The following CHIC2 variants were observed in gnomAD, a reference collection of about 807,000 sequenced individuals.
CHIC2 encodes the protein cysteine rich hydrophobic domain 2, also known as cysteine-rich hydrophobic domain-containing protein 2.
In CHIC2, 14 loss-of-function variants were observed where a neutral mutation model predicts 25.9. The observed-to-expected ratio is 0.54, with a 90% CI of 0.36 to 0.85. CHIC2 has a LOEUF of 0.85. Among genes scored for constraint, CHIC2 ranks in the 40% least tolerant of loss-of-function variants. The pLI is 0.01. For synonymous variants in CHIC2, 70 were observed against 72.0 expected, an observed-to-expected ratio of 0.97 and a Z score of 0.14; for missense variants, 146 against 202.0, an observed-to-expected ratio of 0.72 and a Z score of 1.68.
chr4:54,012,731 T>C (rs1240493490), intron 5 of CHIC2, among the ~76,000 whole-genome samples: 2 of 152,110 alleles, frequency 1.3e-5, no homozygotes, highest in African/African-American at 4.8e-5. Flanking sequence ...TCAAGTGTCT[T>C]TCTCATCATC....
chr4:54,057,658 T>C (rs1406612219), intron 1 of CHIC2, among the ~76,000 whole-genome samples: 1 of 152,166 alleles, frequency 6.6e-6, no homozygotes, highest in Non-Finnish European at 1.5e-5. Flanking sequence ...TGGGTTTCAT[T>C]ATATACCCAG....
intron 3 of CHIC2, among the ~76,000 whole-genome samples, chr4:54,027,638 TGAA>T (rs1446826095): frequency 2.6e-5 from 4 of 152,154 alleles, no homozygotes; most frequent in African/African-American, 9.7e-5. Context: ...GGGAAGATAG[TGAA>T]GAAGGGGCAA....
intron 3 of CHIC2, among the ~76,000 whole-genome samples, chr4:54,029,318 A>AT (rs760762202): frequency 9.2e-5 from 14 of 152,232 alleles, no homozygotes; most frequent in Non-Finnish European, 1.8e-4. Context: ...CAGTATAAAC[A>AT]TCCTCTGCAC....
chr4:54,041,189 T>A (rs188494205), intron 3 of CHIC2, among the ~76,000 whole-genome samples: 32 of 152,002 alleles, frequency 2.1e-4, no homozygotes, highest in Admixed American at 1.2e-3. Flanking sequence ...GAACTGCAGT[T>A]TTCCAAATCA....
At position 54,013,898 on chromosome 4, in the gene CHIC2, T is replaced by C. The variant is rs1715664212; in HGVS notation, c.388-2A>G. On this transcript the variant is annotated splice_acceptor_variant, in intron 4 of 5. Coordinates refer to ENST00000263921, the MANE Select transcript of CHIC2 (RefSeq NM_012110.4). LOFTEE classifies it high-confidence loss of function. ...GCTCAGTCTCCAATGCAAGCACAGCTAGACAAGTAGGAAAGTAAAAGAAGA... is the reference window on the plus strand; with the variant it reads ...GCTCAGTCTCCAATGCAAGCACAGCCAGACAAGTAGGAAAGTAAAAGAAGA... 3 of 1,613,208 alleles carry C rather than the reference T, an allele frequency of 1.9e-6. No individual in the cohort carries two copies. The highest frequency in any genetic ancestry group is 2.5e-6 in the Non-Finnish European group (3 of 1,179,460).
intron 3 of CHIC2, among the ~76,000 whole-genome samples, chr4:54,042,228 A>T (rs1161151381): frequency 2.0e-5 from 3 of 152,162 alleles, no homozygotes. Context: ...TATAAAATTA[A>T]ATGCATCAAA....
intron 1 of CHIC2, among the ~76,000 whole-genome samples, chr4:54,062,812 A>T (rs138147280): frequency 0.012 from 1,848 of 152,318 alleles, 32 homozygotes; most frequent in African/African-American, 0.042. Flanking sequence ...GTCAAAATAA[A>T]ATCAAATGGC....
chr4:54,032,326 G>T (rs986588851), intron 3 of CHIC2, among the ~76,000 whole-genome samples: 2 of 137,846 alleles, frequency 1.5e-5, no homozygotes, highest in Non-Finnish European at 3.0e-5. Flanking sequence ...GCCGAAGCTG[G>T]ACTGTACTGC....
the CHIC2 span, among the ~76,000 whole-genome samples, chr4:54,089,382 C>T: frequency 4.2e-5 from 5 of 118,776 alleles, no homozygotes; most frequent in South Asian, 3.0e-4. Flanking sequence ...ATGATCCCAC[C>T]ACCACATTCC....
intron 3 of CHIC2, among the ~76,000 whole-genome samples, chr4:54,023,650 C>A (rs938374211): frequency 1.1e-4 from 16 of 152,286 alleles, no homozygotes; most frequent in Admixed American, 4.6e-4. Flanking sequence ...CAGGCCTAAT[C>A]GCCACTCACC....
the CHIC2 span, chr4:54,087,450 AG>A: frequency 3.0e-6 from 2 of 659,142 alleles, no homozygotes; most frequent in Non-Finnish European, 4.9e-6. Context: ...AATAAGGCAT[AG>A]GCAGTTAATG....
intron 1 of CHIC2, among the ~76,000 whole-genome samples, chr4:54,050,347 A>G (rs902019843): frequency 4.6e-5 from 7 of 152,064 alleles, no homozygotes; most frequent in African/African-American, 1.7e-4. Flanking sequence ...ACATACATCC[A>G]TTTCACTATC....
At chr4:54,075,345 G>A in the CHIC2 span, among the ~76,000 whole-genome samples, 3 of 152,208 alleles carry the variant, frequency 2.0e-5, no homozygotes, top group African/African-American at 7.2e-5. Flanking sequence ...CTAAATACAC[G>A]TTAGTTACTG....
chr4:54,047,732 T>C (rs1577981295), intron 3 of CHIC2, among the ~76,000 whole-genome samples: 1 of 151,760 alleles, frequency 6.6e-6, no homozygotes, highest in Admixed American at 6.6e-5. Context: ...CACACCAACA[T>C]GGCACATGTA....
chr4:54,054,442 C>G (rs1049554947), intron 1 of CHIC2, among the ~76,000 whole-genome samples: 2 of 152,152 alleles, frequency 1.3e-5, no homozygotes, highest in Non-Finnish European at 2.9e-5. Flanking sequence ...TTGTTTTGCC[C>G]TTAATCAAAA....
chr4:54,064,447 C>T lies in CHIC2; in HGVS notation c.-147G>A. 1.3e-6 allele frequency: 2 copies of T among 1,501,208 alleles called. No homozygotes were observed. Among genetic ancestry groups the T allele is most frequent in the Non-Finnish European group, 8.8e-7 (1 of 1,130,434 alleles). The allele number at this position is 1,501,208 out of a possible 1,614,324, so 93.0% of individuals were successfully genotyped here. A position where few individuals can be genotyped will look rare whatever the true frequency, so the allele number is the denominator to read the frequency against. On this transcript the variant is annotated 5_prime_UTR_variant, in exon 1 of 6. Transcript: ENST00000263921. This position sits in a 1 kb window ranked among gnomAD's most constrained non-coding sequence, Gnocchi z 4.2. ...AGTTCGCTGTCGGCTGTCTCGGCTC[C>T]GGCTACAGAGGGGATGGGGTCTGGA...
chr4:54,080,074 CTT>C, the CHIC2 span, among the ~76,000 whole-genome samples: 1 of 150,216 alleles, frequency 6.7e-6, no homozygotes, highest in African/African-American at 2.4e-5. Flanking sequence ...ATGATATCAA[CTT>C]AAGTATTCAT....
At chr4:54,072,021 G>A in the CHIC2 span, among the ~76,000 whole-genome samples, 2 of 146,140 alleles carry the variant, frequency 1.4e-5, no homozygotes, top group South Asian at 2.2e-4. Flanking sequence ...TAGGCTGGGT[G>A]CGGTGGCTCA....
At chr4:54,029,151 A>G (rs1716148154) in intron 3 of CHIC2, among the ~76,000 whole-genome samples, 1 of 152,104 alleles carries the variant, frequency 6.6e-6, no homozygotes, top group African/African-American at 2.4e-5. Context: ...CAAAAGTCAA[A>G]TATCAAATAT....
Sources: allele counts gnomAD v4.1 joint callset (sites outside exome capture counted in the v4.1 genomes callset), GRCh38; gene constraint gnomAD v4.1.1; non-coding constraint Gnocchi (gnomAD v3.1); transcripts MANE v1.5; gene names NCBI Gene and HGNC (gene_info 2026-07-23, HGNC 2026-07-21).